TMEM266: variants seen among roughly 807,000 people sequenced by gnomAD.
TMEM266 encodes transmembrane protein 266.
TMEM266 carries 33 observed loss-of-function variants against 50.5 expected under a neutral mutation model. That is an observed-to-expected ratio of 0.65 (90% CI 0.50 to 0.87). The LOEUF (loss-of-function observed/expected upper bound fraction) is 0.87. Ranked by LOEUF, TMEM266 falls within the 40% of genes least tolerant of loss-of-function variation. The pLI is 0.00. For missense variants in TMEM266, 655 were observed against 695.1 expected, an observed-to-expected ratio of 0.94 and a Z score of 0.65; for synonymous variants, 310 against 292.3, an observed-to-expected ratio of 1.06 and a Z score of -0.62.
intron 1 of TMEM266, among the ~76,000 whole-genome samples, chr15:76,107,482 G>A (rs1373286480): frequency 6.6e-6 from 1 of 152,172 alleles, no homozygotes; most frequent in African/African-American, 2.4e-5. Flanking sequence ...GAAAGAAACT[G>A]TTATGCCCAT....
At chr15:76,105,685 G>A (rs1249594453) in intron 1 of TMEM266, among the ~76,000 whole-genome samples, 1 of 152,204 alleles carries the variant, frequency 6.6e-6, no homozygotes, top group Non-Finnish European at 1.5e-5. Flanking sequence ...TTTGCCAAGC[G>A]CTGCTCAAAG....
At chr15:76,196,486 G>C (rs2038658500) in intron 9 of TMEM266, among the ~76,000 whole-genome samples, 1 of 152,224 alleles carries the variant, frequency 6.6e-6, no homozygotes, top group Non-Finnish European at 1.5e-5. Context: ...GTCCAGGGAG[G>C]GATTTTCATG....
intron 1 of TMEM266, among the ~76,000 whole-genome samples, chr15:76,130,063 A>G (rs1461301575): frequency 6.6e-6 from 1 of 151,446 alleles, no homozygotes; most frequent in Non-Finnish European, 1.5e-5. Flanking sequence ...CTCTCTACAA[A>G]AAATACAAAA....
chr15:76,165,683 C>T (rs1020095479), intron 5 of TMEM266, among the ~76,000 whole-genome samples: 2 of 152,300 alleles, frequency 1.3e-5, no homozygotes, highest in Middle Eastern at 3.4e-3. Context: ...TTTAGTGAGC[C>T]GTGTGCCTCG....
At chr15:76,203,671 C>T (rs1282893640) in intron 10 of TMEM266, 70 bp from the exon 11 acceptor site, 11 of 1,471,028 alleles carry the variant, frequency 7.5e-6, no homozygotes, top group Non-Finnish European at 9.4e-6. Context: ...CCGGCTCAGA[C>T]CTGCTCTCTT....
chr15:76,175,893 G>A, intron 8 of TMEM266: 2 of 467,620 alleles, frequency 4.3e-6, no homozygotes, highest in Non-Finnish European at 7.8e-6. Context: ...CTGACTCCCA[G>A]GCCAGGGTTC....
chr15:76,074,759 G>T (rs1425091509), intron 1 of TMEM266, among the ~76,000 whole-genome samples: 1 of 152,016 alleles, frequency 6.6e-6, no homozygotes, highest in Non-Finnish European at 1.5e-5. Flanking sequence ...TAGACCACAT[G>T]GGGTGAGGAG....
intron 8 of TMEM266, among the ~76,000 whole-genome samples, chr15:76,177,476 C>T (rs367700524): frequency 6.6e-6 from 1 of 152,252 alleles, no homozygotes; most frequent in African/African-American, 2.4e-5. Context: ...CACAGGAACA[C>T]GCACACAGTG....
intron 9 of TMEM266, among the ~76,000 whole-genome samples, chr15:76,192,390 C>A (rs1271072905): frequency 6.6e-6 from 1 of 152,230 alleles, no homozygotes; most frequent in Non-Finnish European, 1.5e-5. Flanking sequence ...GACTCGTCCC[C>A]ATTTCATGCC....
chr15:76,117,099 A>G (rs1292966663), intron 1 of TMEM266, among the ~76,000 whole-genome samples: 2 of 151,880 alleles, frequency 1.3e-5, no homozygotes, highest in African/African-American at 4.8e-5. Context: ...GCATTTCTTC[A>G]TGTTGGTCAG....
At chr15:76,202,986 T>G (rs111760834) in intron 10 of TMEM266, among the ~76,000 whole-genome samples, 67 of 152,182 alleles carry the variant, frequency 4.4e-4, no homozygotes, top group Non-Finnish European at 8.4e-4. Flanking sequence ...TATGCTGGTT[T>G]CAAAGACCAC....
chr15:76,135,815 G>T (rs2142030532), intron 2 of TMEM266, among the ~76,000 whole-genome samples: 1 of 152,326 alleles, frequency 6.6e-6, no homozygotes, highest in African/African-American at 2.4e-5. Context: ...GTGAATTCAG[G>T]TGGTCTAGGC....
chr15:76,108,726 G>A (rs2037124158), intron 1 of TMEM266, among the ~76,000 whole-genome samples: 1 of 152,188 alleles, frequency 6.6e-6, no homozygotes, highest in Non-Finnish European at 1.5e-5. Flanking sequence ...GTAGTAGAAG[G>A]TGAGACCATC....
At chr15:76,116,496 C>G (rs1325282803) in intron 1 of TMEM266, among the ~76,000 whole-genome samples, 1 of 152,052 alleles carries the variant, frequency 6.6e-6, no homozygotes, top group African/African-American at 2.4e-5. Flanking sequence ...CCCTCTCCTC[C>G]TCTTCACTCC....
chr15:76,165,593 G>A (rs948490961), intron 5 of TMEM266, among the ~76,000 whole-genome samples: 2 of 152,222 alleles, frequency 1.3e-5, no homozygotes, highest in Non-Finnish European at 2.9e-5. Flanking sequence ...TTAGGGGCCA[G>A]TATTGCAAGG....
chr15:76,114,564 T>C (rs2037219323), intron 1 of TMEM266, among the ~76,000 whole-genome samples: 1 of 152,208 alleles, frequency 6.6e-6, no homozygotes, highest in African/African-American at 2.4e-5. Flanking sequence ...TACATCACAC[T>C]ATATTGTTTT....
intron 9 of TMEM266, among the ~76,000 whole-genome samples, chr15:76,197,842 C>G (rs957606905): frequency 6.6e-6 from 1 of 152,248 alleles, no homozygotes; most frequent in African/African-American, 2.4e-5. Flanking sequence ...CCTGGCCCAG[C>G]TGACTCACCA....
intron 1 of TMEM266, among the ~76,000 whole-genome samples, chr15:76,082,665 C>A (rs984104238): frequency 1.3e-5 from 2 of 152,060 alleles, no homozygotes; most frequent in East Asian, 3.9e-4. Flanking sequence ...AGCCGCCAGG[C>A]TCTTTAAACA....
intron 7 of TMEM266, among the ~76,000 whole-genome samples, chr15:76,173,222 T>A (rs951437608): frequency 6.6e-6 from 1 of 152,142 alleles, no homozygotes; most frequent in East Asian, 1.9e-4. Flanking sequence ...CTCTGCTGAT[T>A]CCTGCAACAG....
Sources: allele counts gnomAD v4.1 joint callset (sites outside exome capture counted in the v4.1 genomes callset), GRCh38; gene constraint gnomAD v4.1.1; transcripts MANE v1.5; gene names NCBI Gene and HGNC (gene_info 2026-07-23, HGNC 2026-07-21).